Variants in HYDIN observed in about 807,000 individuals in gnomAD.
The protein encoded by HYDIN is HYDIN axonemal central pair apparatus protein.
HYDIN carries 132 observed loss-of-function variants against 403.9 expected under a neutral mutation model. That is an observed-to-expected ratio of 0.33 (90% CI 0.28 to 0.38). The LOEUF (loss-of-function observed/expected upper bound fraction) is 0.38. HYDIN is among the 10% of genes least tolerant of loss of function. The probability of loss-of-function intolerance (pLI) is 1.00; values close to 1 mark genes in which losing one functional copy is unlikely to be tolerated. For missense variants in HYDIN, 2,827 were observed against 5,009.5 expected, an observed-to-expected ratio of 0.56 and a Z score of 13.15; for synonymous variants, 1,202 against 1,891.7, an observed-to-expected ratio of 0.64 and a Z score of 9.46.
intron 47 of HYDIN, among the ~76,000 whole-genome samples, chr16:70,910,040 C>T (rs1388305686): frequency 2.0e-5 from 3 of 152,002 alleles, no homozygotes; most frequent in Non-Finnish European, 4.4e-5. Flanking sequence ...AAGTATTAAT[C>T]AAAGTTCCTA....
chr16:71,153,586 C>T (rs1439612738), intron 6 of HYDIN, among the ~76,000 whole-genome samples: 1 of 151,828 alleles, frequency 6.6e-6, no homozygotes, highest in Non-Finnish European at 1.5e-5. Context: ...ACCTCACATC[C>T]CCTCCCATCT....
intron 45 of HYDIN, among the ~76,000 whole-genome samples, chr16:70,925,099 T>C (rs2143827565): frequency 6.6e-6 from 1 of 152,306 alleles, no homozygotes; most frequent in African/African-American, 2.4e-5. Context: ...CTAGCCTAGC[T>C]GACTGCCAGC....
intron 5 of HYDIN, among the ~76,000 whole-genome samples, chr16:71,173,495 G>C (rs1178019657): frequency 6.6e-6 from 1 of 152,168 alleles, no homozygotes; most frequent in Non-Finnish European, 1.5e-5. Flanking sequence ...TTTCTTTGCA[G>C]GATAAACAGT....
At chr16:70,890,217 T>C (rs2054145897) in intron 57 of HYDIN, among the ~76,000 whole-genome samples, 1 of 152,252 alleles carries the variant, frequency 6.6e-6, no homozygotes, top group African/African-American at 2.4e-5. Flanking sequence ...AGAGACCAGT[T>C]CACCTAAAAT....
chr16:70,878,857 C>A (rs2040606820), intron 62 of HYDIN, among the ~76,000 whole-genome samples: 1 of 140,758 alleles, frequency 7.1e-6, no homozygotes, highest in Non-Finnish European at 1.5e-5. Context: ...TTGTAGAGCA[C>A]AATACATCAC....
chr16:70,974,998 A>G (rs1306838475), intron 31 of HYDIN, 138 bp downstream of exon 31: 4 of 565,156 alleles, frequency 7.1e-6, no homozygotes, highest in Admixed American at 6.4e-5. Flanking sequence ...GGGATGGCGG[A>G]TAAGTGAGGA....
intron 42 of HYDIN, among the ~76,000 whole-genome samples, chr16:70,942,399 C>G (rs2077707423): frequency 6.6e-6 from 1 of 151,890 alleles, no homozygotes; most frequent in Non-Finnish European, 1.5e-5. Flanking sequence ...TGTTAAAGGG[C>G]CGATCTGGGA....
chr16:70,898,860 C>T (rs1048218570), intron 53 of HYDIN, among the ~76,000 whole-genome samples: 27 of 151,214 alleles, frequency 1.8e-4, no homozygotes, highest in Non-Finnish European at 5.9e-5. Context: ...TCTCCTGCCT[C>T]AGCCTCCCGA....
chr16:71,059,334 G>C (rs550116747), intron 18 of HYDIN, among the ~76,000 whole-genome samples: 2 of 151,946 alleles, frequency 1.3e-5, no homozygotes, highest in African/African-American at 4.8e-5. Context: ...TGAGGAAGGG[G>C]TCTAGTTTCA....
chr16:71,152,172 CA>C (rs1190381696), intron 7 of HYDIN, among the ~76,000 whole-genome samples: 157 of 150,882 alleles, frequency 1.0e-3, no homozygotes, highest in African/African-American at 3.7e-3. Context: ...GGCTTTCAAG[CA>C]CTGGGGACAC....
Position 70,826,737 on chromosome 16 carries a change from C to A in HYDIN, c.14427+524G>T, listed in dbSNP as rs2036619146. On this transcript the variant is annotated intron_variant, in intron 83 of 85. Transcript: ENST00000393567. ...TCTCTCTCTCTCTCTCTCTCTCTCT[C>A]TCTCTCTCTGTGTGTGTGTTCCTAG... 2.1e-5 allele frequency among the ~76,000 whole-genome samples: 3 copies of A among 144,224 alleles called. No homozygotes were observed. In the South Asian group the frequency reaches 6.3e-4, roughly 30 times the overall value. 94.6% of individuals were successfully genotyped at this position (144,224 alleles called of 152,430 possible). A position where few individuals can be genotyped will look rare whatever the true frequency, so the allele number is the denominator to read the frequency against.
intron 2 of HYDIN, among the ~76,000 whole-genome samples, chr16:71,186,460 A>T (rs1470919619): frequency 6.6e-6 from 1 of 152,206 alleles, no homozygotes; most frequent in African/African-American, 2.4e-5. Flanking sequence ...TGAACTAAAC[A>T]AATGACAGTT....
At chr16:70,948,661 A>T (rs1188873097) in intron 41 of HYDIN, among the ~76,000 whole-genome samples, 2 of 151,560 alleles carry the variant, frequency 1.3e-5, no homozygotes, top group Non-Finnish European at 3.0e-5. Flanking sequence ...ATGAACAGAC[A>T]CTTCTCAAAA....
At chr16:71,162,814 A>G (rs2086058688) in intron 5 of HYDIN, 84 bp from the exon 6 acceptor site, 1 of 587,848 alleles carries the variant, frequency 1.7e-6, no homozygotes, top group Admixed American at 3.0e-5. Context: ...GATGAGAGGC[A>G]TTTTGCAAAA....
intron 66 of HYDIN, among the ~76,000 whole-genome samples, chr16:70,868,013 C>A (rs2039861771): frequency 6.6e-6 from 1 of 152,056 alleles, no homozygotes; most frequent in Admixed American, 6.6e-5. Flanking sequence ...GAACAAAAAA[C>A]AAAAACCAAG....
chr16:71,072,659 T>C (rs977242387), intron 13 of HYDIN, among the ~76,000 whole-genome samples: 15 of 152,050 alleles, frequency 9.9e-5, no homozygotes, highest in Non-Finnish European at 1.6e-4. Flanking sequence ...TTAGCTCTGA[T>C]GGCCATCAGA....
intron 10 of HYDIN, among the ~76,000 whole-genome samples, chr16:71,105,237 T>C (rs1308147151): frequency 3.5e-4 from 53 of 151,662 alleles, no homozygotes; most frequent in Non-Finnish European, 1.3e-4. Flanking sequence ...CTTAGAAAAA[T>C]ACCCAGAATA....
chr16:70,989,996 T>C (rs547744091), intron 25 of HYDIN, among the ~76,000 whole-genome samples: 3 of 152,280 alleles, frequency 2.0e-5, no homozygotes, highest in Admixed American at 6.5e-5. Context: ...GATGGTCGAG[T>C]CTTCCAGCTC....
intron 18 of HYDIN, among the ~76,000 whole-genome samples, chr16:71,035,631 C>T (rs1597605554): frequency 1.3e-5 from 2 of 150,084 alleles, no homozygotes; most frequent in African/African-American, 4.9e-5. Context: ...AAATTCTAGG[C>T]TATTATTTTA....
Sources: allele counts gnomAD v4.1 joint callset (sites outside exome capture counted in the v4.1 genomes callset), GRCh38; gene constraint gnomAD v4.1.1; transcripts MANE v1.5; gene names NCBI Gene and HGNC (gene_info 2026-07-23, HGNC 2026-07-21).